ZNF106: variants seen among roughly 807,000 people sequenced by gnomAD.
ZNF106 encodes zinc finger protein 106, also known as SH3-domain binding protein 3.
In ZNF106, 67 loss-of-function variants were observed where a neutral mutation model predicts 195.1. That is an observed-to-expected ratio of 0.34 (90% CI 0.28 to 0.42). The LOEUF (loss-of-function observed/expected upper bound fraction) is 0.42, where lower values mean the gene tolerates loss of function less well. ZNF106 is among the 10% of genes least tolerant of loss of function. The pLI is 1.00. For missense variants in ZNF106, 2,118 were observed against 2,304.5 expected, an observed-to-expected ratio of 0.92 and a Z score of 1.66; for synonymous variants, 784 against 818.6, an observed-to-expected ratio of 0.96 and a Z score of 0.72.
At position 42,472,277 on chromosome 15, in the gene ZNF106, G is replaced by T. The variant is rs1303001054; in HGVS notation, c.13C>A (p.Arg5=). 2.0e-6 allele frequency: 3 copies of T among 1,535,242 alleles called. No homozygotes were observed. The highest frequency in any genetic ancestry group is 2.6e-6 in the Non-Finnish European group (3 of 1,146,532). Residue 5 remains arginine (R), a synonymous_variant, in exon 2 of 22, where the codon CGA becomes AGA. Transcript: ENST00000564754. ...ACGATGTGGCATAATATGCATTTTC[G>T]TTCTCGTACCATAGTGACCAGATCT... MVRE[R]KCILCHIVYS...
At chr15:42,484,588 A>C (rs918524950) in intron 1 of ZNF106, among the ~76,000 whole-genome samples, 1 of 152,086 alleles carries the variant, frequency 6.6e-6, no homozygotes, top group Admixed American at 6.5e-5. Context: ...AAACACAAAA[A>C]TTAGCCAGGC....
At chr15:42,467,369 C>T (rs541229611) in intron 2 of ZNF106, among the ~76,000 whole-genome samples, 2 of 152,208 alleles carry the variant, frequency 1.3e-5, no homozygotes, top group Non-Finnish European at 2.9e-5. Flanking sequence ...CTGCAAAATA[C>T]TGCCGAGGGA....
At chr15:42,418,305 CTTAGT>C (rs1301079886) in intron 20 of ZNF106, among the ~76,000 whole-genome samples, 2 of 150,382 alleles carry the variant, frequency 1.3e-5, no homozygotes. Flanking sequence ...GAGTTTCTAT[CTTAGT>C]TTATTCAATA....
chr15:42,475,235 T>C (rs1019119437), intron 1 of ZNF106, among the ~76,000 whole-genome samples: 1 of 152,120 alleles, frequency 6.6e-6, no homozygotes, highest in Non-Finnish European at 1.5e-5. Context: ...GGTGGATAAC[T>C]TGAGGTCAGG....
intron 5 of ZNF106, among the ~76,000 whole-genome samples, chr15:42,449,254 C>T (rs58567518): frequency 0.07 from 10,608 of 152,158 alleles, 802 homozygotes; most frequent in Admixed American, 0.16. Flanking sequence ...AGTACCTCAA[C>T]ATAAGATGAA....
intron 4 of ZNF106, among the ~76,000 whole-genome samples, chr15:42,456,655 TA>T (rs139288961): frequency 4.5e-3 from 595 of 132,814 alleles, no homozygotes; most frequent in Middle Eastern, 7.6e-3. Context: ...GACTCCATCT[TA>T]AAAAAAAAAA....
intron 2 of ZNF106, 44 bp from the exon 3 acceptor site, chr15:42,466,158 T>G: frequency 1.4e-6 from 2 of 1,462,956 alleles, no homozygotes; most frequent in East Asian, 2.5e-5. Flanking sequence ...CAGGATTGCT[T>G]TGAAAAAAAA....
intron 20 of ZNF106, among the ~76,000 whole-genome samples, chr15:42,419,373 T>C (rs1268990408): frequency 6.6e-6 from 1 of 150,946 alleles, no homozygotes; most frequent in East Asian, 2.0e-4. Context: ...AAAAAATAAA[T>C]AATAAAAATA....
At chr15:42,468,571 C>A (rs563858694) in intron 2 of ZNF106, among the ~76,000 whole-genome samples, 1 of 150,578 alleles carries the variant, frequency 6.6e-6, no homozygotes, top group East Asian at 2.0e-4. Context: ...GGTGATACCC[C>A]GTCTCTACTA....
At position 42,450,783 on chromosome 15, in the gene ZNF106, T is replaced by C. The variant is rs2055985348; in HGVS notation, c.1489A>G (p.Lys497Glu). 6.2e-7 allele frequency: 1 copy of C among 1,614,214 alleles called. No individual in the cohort carries two copies. The highest frequency in any genetic ancestry group is 1.7e-4 in the Middle Eastern group (1 of 6,060). The change falls in exon 5 of 22, where the codon AAA becomes GAA. Residue 497 changes from lysine to glutamate, a missense_variant. Transcript: ENST00000564754. ...SQKQDPKNIS[K>E]NTKTNFFSPG... ...GAAAAAAAATTTGTTTTGGTGTTTT[T>C]TGAGATATTCTTTGGATCTTGCTTT... is the stretch of plus-strand genomic sequence containing the variant.
chr15:42,422,683 T>C, intron 17 of ZNF106, 63 bp from the exon 18 acceptor site: 1 of 1,522,092 alleles, frequency 6.6e-7, no homozygotes. Flanking sequence ...TGGTTATAAT[T>C]CTATAATTCT....
chr15:42,461,245 A>G (rs1307127790), intron 3 of ZNF106, among the ~76,000 whole-genome samples: 2 of 152,250 alleles, frequency 1.3e-5, no homozygotes, highest in African/African-American at 4.8e-5. Flanking sequence ...TATTTTAATG[A>G]GGTTACTTGA....
intron 14 of ZNF106, among the ~76,000 whole-genome samples, chr15:42,431,376 A>G (rs2055041554): frequency 6.7e-6 from 1 of 148,352 alleles, no homozygotes; most frequent in Non-Finnish European, 1.5e-5. Context: ...ATCGTTAATG[A>G]TGTTATACGG....
intron 3 of ZNF106, among the ~76,000 whole-genome samples, chr15:42,463,098 C>G (rs2056431539): frequency 6.6e-6 from 1 of 151,986 alleles, no homozygotes; most frequent in South Asian, 2.1e-4. Flanking sequence ...GCGGCCGGCC[C>G]AAACTTTTAA....
intron 1 of ZNF106, among the ~76,000 whole-genome samples, chr15:42,487,779 A>T (rs913491033): frequency 2.6e-5 from 4 of 152,136 alleles, no homozygotes; most frequent in African/African-American, 9.7e-5. Flanking sequence ...TATCCATTAA[A>T]CAATAACTCA....
chr15:42,479,683 A>G (rs2056859882), intron 1 of ZNF106, among the ~76,000 whole-genome samples: 1 of 151,856 alleles, frequency 6.6e-6, no homozygotes, highest in Admixed American at 6.6e-5. Context: ...CTCTACTAAT[A>G]ATATAAAAAT....
At chr15:42,460,499 T>C (rs2056362637) in intron 3 of ZNF106, among the ~76,000 whole-genome samples, 1 of 152,204 alleles carries the variant, frequency 6.6e-6, no homozygotes, top group South Asian at 2.1e-4. Context: ...AATATAACCA[T>C]AGTTCCAAAA....
At position 42,444,219 on chromosome 15, in the gene ZNF106, A is replaced by G. The variant is rs1475295398; in HGVS notation, c.3404T>C (p.Ile1135Thr). The G allele has an allele frequency of 1.2e-6, 2 of 1,610,728 alleles. No homozygotes were observed. Among genetic ancestry groups the G allele is most frequent in the Non-Finnish European group, 1.7e-6 (2 of 1,178,048 alleles). The change falls in exon 9 of 22, where the codon ATT (isoleucine) becomes ACT (threonine). Residue 1135 changes from isoleucine (I) to threonine (T), a missense_variant. Physicochemically the swap from Ile to Thr is moderately conservative, Grantham distance 89 (BLOSUM62 -1). Coordinates refer to ENST00000564754, the MANE Select transcript of ZNF106 (RefSeq NM_001366845.3). Reference sequence around the variant, plus strand: ...CTGAATACCTTGTAATCCCTGTAGAATCTGTATTCTATGGGTCCTCAGTGC... The same window carrying G: ...CTGAATACCTTGTAATCCCTGTAGAGTCTGTATTCTATGGGTCCTCAGTGC... ...MSALRTHRIQ[I>T]LQGLQETYEP...
At chr15:42,444,390 G>T in intron 8 of ZNF106, 128 bp from the exon 9 acceptor site, 2 of 677,498 alleles carry the variant, frequency 3.0e-6, no homozygotes, top group Non-Finnish European at 5.0e-6. Context: ...CCAGCCAGCC[G>T]CAGGTTTTCT....
Sources: allele counts gnomAD v4.1 joint callset (sites outside exome capture counted in the v4.1 genomes callset), GRCh38; gene constraint gnomAD v4.1.1; transcripts MANE v1.5; gene names NCBI Gene and HGNC (gene_info 2026-07-23, HGNC 2026-07-21).